Variants in LARGE1 observed in about 807,000 individuals in gnomAD.
LARGE1 encodes LARGE xylosyl- and glucuronyltransferase 1, also known as xylosyl- and glucuronyltransferase LARGE1.
A neutral mutation model predicts 87.6 loss-of-function variants in LARGE1; 43 were observed. The observed-to-expected ratio is 0.49, with a 90% CI of 0.38 to 0.63. The LOEUF is 0.63. LARGE1 is among the 30% of genes least tolerant of loss of function. The pLI is 0.00. For missense variants in LARGE1, 802 were observed against 1,000.2 expected, an observed-to-expected ratio of 0.80 and a Z score of 2.67; for synonymous variants, 434 against 394.6, an observed-to-expected ratio of 1.10 and a Z score of -1.18.
At chr22:33,778,923 T>C (rs145163697) in intron 1 of LARGE1, among the ~76,000 whole-genome samples, 2,793 of 152,284 alleles carry the variant, frequency 0.018, 77 homozygotes, top group African/African-American at 0.063. Flanking sequence ...AGTGCTGGGA[T>C]TACCAGCGTG....
chr22:33,104,925 T>TTCTTTCTTTCTTTCTCTTTCTC, the LARGE1 span, among the ~76,000 whole-genome samples: 1 of 118,452 alleles, frequency 8.4e-6, no homozygotes, highest in East Asian at 2.3e-4. Flanking sequence ...CTTTCTTTCT[T>TTCTTTCTTTCTTTCTCTTTCTC]TCTTTCTTTC....
intron 1 of LARGE1, among the ~76,000 whole-genome samples, chr22:33,897,884 G>A (rs1569020635): frequency 2.6e-5 from 4 of 152,072 alleles, no homozygotes; most frequent in South Asian, 2.1e-4. Flanking sequence ...TCTGTGCCAC[G>A]AAGTGCCTGC....
intron 1 of LARGE1, among the ~76,000 whole-genome samples, chr22:33,911,260 G>C (rs781051590): frequency 1.6e-4 from 24 of 152,308 alleles, no homozygotes; most frequent in Non-Finnish European, 3.4e-4. Context: ...TCTGGCCTTA[G>C]TTTCTACGGA....
chr22:33,720,172 T>C (rs2149436719), intron 2 of LARGE1, among the ~76,000 whole-genome samples: 1 of 152,332 alleles, frequency 6.6e-6, no homozygotes, highest in African/African-American at 2.4e-5. Context: ...TTTGTCTTCC[T>C]GCAATTAGAC....
chr22:33,818,969 T>C (rs1179590421), intron 1 of LARGE1, among the ~76,000 whole-genome samples: 1 of 152,142 alleles, frequency 6.6e-6, no homozygotes, highest in African/African-American at 2.4e-5. Context: ...CGCATTCCTA[T>C]TTCCCAGCAC....
intron 1 of LARGE1, among the ~76,000 whole-genome samples, chr22:33,889,694 G>A (rs1053821946): frequency 3.3e-5 from 5 of 152,178 alleles, no homozygotes; most frequent in Non-Finnish European, 5.9e-5. Context: ...CAATACTCAC[G>A]GAGGCACCTA....
chr22:33,453,276 A>T, intron 6 of LARGE1, among the ~76,000 whole-genome samples: 1 of 152,034 alleles, frequency 6.6e-6, no homozygotes, highest in Non-Finnish European at 1.5e-5. Context: ...TTAGCTGGGC[A>T]TGGTGGTGCA....
chr22:33,471,837 A>T (rs2068855943), intron 6 of LARGE1, among the ~76,000 whole-genome samples: 1 of 152,144 alleles, frequency 6.6e-6, no homozygotes, highest in Non-Finnish European at 1.5e-5. Flanking sequence ...GTTCTAGACC[A>T]GCCTGGCCAA....
intron 2 of LARGE1, among the ~76,000 whole-genome samples, chr22:33,708,914 C>T (rs1220145064): frequency 6.6e-6 from 1 of 152,184 alleles, no homozygotes; most frequent in Non-Finnish European, 1.5e-5. Context: ...TTAGTTTCTT[C>T]TGCGGCCTCT....
At chr22:33,702,130 C>T (rs2082420691) in intron 2 of LARGE1, among the ~76,000 whole-genome samples, 1 of 152,202 alleles carries the variant, frequency 6.6e-6, no homozygotes, top group Non-Finnish European at 1.5e-5. Context: ...AGGAACAATG[C>T]TTGGCACATA....
the LARGE1 span, among the ~76,000 whole-genome samples, chr22:33,089,402 T>C: frequency 8.0e-6 from 1 of 124,552 alleles, no homozygotes; most frequent in Admixed American, 8.7e-5. Context: ...TCTTCTTCTT[T>C]CTTCTTCTTC....
At chr22:33,186,921 C>T (rs1923506379) in intron 11 of LARGE1, among the ~76,000 whole-genome samples, 1 of 152,002 alleles carries the variant, frequency 6.6e-6, no homozygotes, top group Non-Finnish European at 1.5e-5. Context: ...TATATATTTT[C>T]TAAATGTTCA....
intron 1 of LARGE1, among the ~76,000 whole-genome samples, chr22:33,857,411 G>A (rs569019022): frequency 5.9e-5 from 9 of 152,260 alleles, no homozygotes; most frequent in South Asian, 2.1e-4. Context: ...GACAGGCAAC[G>A]GCAAGAAACG....
rs71187278 is a variant in LARGE1, at chr22:33,713,982, G to GTAACATAACATAACA, written c.106+47374_106+47388dup. On this transcript the variant is annotated intron_variant, in intron 2 of 14. Transcript: ENST00000397394. ...GAAAAAGTAAATAACGTAACATAAC[G>GTAACATAACATAACA]TAACATAACATAACATAACATAACA... is the stretch of plus-strand genomic sequence containing the variant. 7.1e-3 allele frequency among the ~76,000 whole-genome samples: 896 copies of GTAACATAACATAACA among 126,222 alleles called. 9 individuals carry two copies. The highest frequency in any genetic ancestry group is 0.01 in the East Asian group (41 of 3,942). 82.8% of individuals were successfully genotyped at this position (126,222 alleles called of 152,430 possible).
At chr22:33,725,361 C>A (rs1223699662) in intron 2 of LARGE1, among the ~76,000 whole-genome samples, 3 of 152,194 alleles carry the variant, frequency 2.0e-5, no homozygotes, top group East Asian at 1.9e-4. Context: ...CAAGGGTCAG[C>A]AGCAGCAACT....
chr22:33,169,327 T>G lies in LARGE1; in HGVS notation c.1731-2495A>C, dbSNP rs150951323. On this transcript the variant is annotated intron_variant, in intron 11 of 11. Coordinates refer to the LARGE1 transcript ENST00000608642. Reference sequence around the variant, plus strand: ...CTAAAATTCTGCTTGGAGACAGTGCTTCTTGTTATGGGAAAGTCTTGCTAA... The same window carrying G: ...CTAAAATTCTGCTTGGAGACAGTGCGTCTTGTTATGGGAAAGTCTTGCTAA... 7.5e-3 allele frequency among the ~76,000 whole-genome samples: 1,149 copies of G among 152,242 alleles called. 11 individuals are homozygous for G. Among genetic ancestry groups the G allele is most frequent in the African/African-American group, 0.026 (1,084 of 41,550 alleles).
chr22:33,073,102 C>T, the LARGE1 span, among the ~76,000 whole-genome samples: 4 of 152,136 alleles, frequency 2.6e-5, no homozygotes, highest in Admixed American at 1.3e-4. Context: ...GTCTGTTGAC[C>T]GATTTTCTTC....
chr22:33,211,884 C>T (rs1479937642), intron 11 of LARGE1, among the ~76,000 whole-genome samples: 1 of 152,200 alleles, frequency 6.6e-6, no homozygotes, highest in Non-Finnish European at 1.5e-5. Context: ...ATCAAACCAG[C>T]TGTATAACAT....
intron 12 of LARGE1, among the ~76,000 whole-genome samples, chr22:33,303,000 G>A (rs1033500316): frequency 6.6e-6 from 1 of 152,182 alleles, no homozygotes; most frequent in Non-Finnish European, 1.5e-5. Flanking sequence ...CATAATTCAT[G>A]CTGACCAATG....
Sources: allele counts gnomAD v4.1 joint callset (sites outside exome capture counted in the v4.1 genomes callset), GRCh38; gene constraint gnomAD v4.1.1; transcripts MANE v1.5; gene names NCBI Gene and HGNC (gene_info 2026-07-23, HGNC 2026-07-21).